EFR3B: variants seen among roughly 807,000 people sequenced by gnomAD.
EFR3B encodes the protein EFR3 homolog B.
Under a neutral mutation model 104.7 loss-of-function variants are expected in EFR3B, and 64 were observed. The observed-to-expected ratio is 0.61, with a 90% CI of 0.50 to 0.75. The LOEUF is 0.75. Ranked by LOEUF, EFR3B falls within the 30% of genes least tolerant of loss-of-function variation. The pLI, the probability that EFR3B is intolerant of heterozygous loss-of-function variation, is 0.00. For synonymous variants in EFR3B, 385 were observed against 417.9 expected, an observed-to-expected ratio of 0.92 and a Z score of 0.96; for missense variants, 750 against 1,078.5, an observed-to-expected ratio of 0.70 and a Z score of 4.27.
intron 3 of EFR3B, among the ~76,000 whole-genome samples, chr2:25,102,841 A>G (rs1176982065): frequency 6.6e-6 from 1 of 152,170 alleles, no homozygotes; most frequent in Non-Finnish European, 1.5e-5. Flanking sequence ...AACATTCCTC[A>G]TAAGGAGGAA....
Position 25,091,341 on chromosome 2 carries a change from TG to T in EFR3B, c.26del (p.Gly9ValfsTer24). On this transcript the variant is annotated frameshift_variant, in exon 2 of 23. Transcript: ENST00000403714. LOFTEE classifies it high-confidence loss of function. Reference sequence around the variant, plus strand: ...TTATTCCAGGTGTGTGTGGCTGCTGTGGTGCCCTACGCCCCAGGTACAAAAG... The same window carrying T: ...TTATTCCAGGTGTGTGTGGCTGCTGTGTGCCCTACGCCCCAGGTACAAAAG... Reference protein sequence around the residue: MYGVCGCCGALRPRYKRLV... With the variant: MYGVCGCCXALRPRYKRLV... 1.9e-6 allele frequency: 3 copies of T among 1,550,368 alleles called. No homozygotes were observed. Among genetic ancestry groups the T allele is most frequent in the Non-Finnish European group, 2.6e-6 (3 of 1,146,482 alleles).
intron 4 of EFR3B, among the ~76,000 whole-genome samples, chr2:25,104,866 T>G (rs966193352): frequency 7.9e-5 from 12 of 152,190 alleles, no homozygotes; most frequent in African/African-American, 2.9e-4. Flanking sequence ...TCAGTGCAAA[T>G]GGCTGCGGTC....
At chr2:25,078,450 A>G (rs765235721) in intron 1 of EFR3B, among the ~76,000 whole-genome samples, 3 of 152,238 alleles carry the variant, frequency 2.0e-5, no homozygotes, top group Non-Finnish European at 4.4e-5. Flanking sequence ...TTTTGAGCAA[A>G]AAGGCATTTT....
intron 6 of EFR3B, among the ~76,000 whole-genome samples, chr2:25,128,565 T>C (rs993331694): frequency 3.9e-5 from 6 of 152,122 alleles, no homozygotes; most frequent in African/African-American, 1.2e-4. Context: ...ACAGTGTTGG[T>C]GCTGGGCTCC....
rs144803814 is a variant in EFR3B at position 25,090,777 on chromosome 2, G to A, written c.8-548G>A. On this transcript the variant is annotated intron_variant, in intron 1 of 22. Transcript: ENST00000403714. Reference sequence around the variant, plus strand: ...TGGAAATGGCTCCAGGAGATAGGACGATAGAGGGAGACTGAAGAGCAGGGA... The same window carrying A: ...TGGAAATGGCTCCAGGAGATAGGACAATAGAGGGAGACTGAAGAGCAGGGA... Among the ~76,000 whole-genome samples the A allele has an allele frequency of 4.7e-3, 713 of 152,300 alleles. 9 individuals are homozygous for A. Among genetic ancestry groups the A allele is most frequent in the African/African-American group, 0.016 (675 of 41,578 alleles).
In EFR3B at chr2:25,093,080, C is replaced by T. The variant is rs1000026291; in HGVS notation, c.162C>T (p.Gly54=). Residue 54 remains glycine, a synonymous_variant, in exon 3 of 23, where the codon GGC becomes GGT. Transcript: ENST00000403714. The part of the protein sequence containing the change: ...LSAPEKLDRI[G]AYLSERLIRD... ...CTCCAGAAAAACTTGATCGTATTGGCGCCTACCTCTCTGAGAGGCTCATCC... is the reference window on the plus strand; with the variant it reads ...CTCCAGAAAAACTTGATCGTATTGGTGCCTACCTCTCTGAGAGGCTCATCC... 1.9e-5 allele frequency: 30 copies of T among 1,551,424 alleles called. No homozygotes were observed. Among genetic ancestry groups the T allele is most frequent in the South Asian group, 5.9e-5 (5 of 84,058 alleles).
Position 25,131,421 on chromosome 2 carries a change from C to G in EFR3B, c.903C>G (p.Asn301Lys). Reference sequence around the variant, plus strand: ...AGCTCCTGGGCCACCTGGACGCCAACAGCCGCAGCGCTGCGACGGTGCGCG... The same window carrying G: ...AGCTCCTGGGCCACCTGGACGCCAAGAGCCGCAGCGCTGCGACGGTGCGCG... ...IQQLLGHLDA[N>K]SRSAATVRAG... Residue 301 changes from asparagine (N) to lysine (K), a missense_variant, in exon 9 of 23, where the codon AAC (asparagine) becomes AAG (lysine). Coordinates refer to ENST00000403714, the MANE Select transcript of EFR3B (RefSeq NM_014971.2). This position sits in a 1 kb window ranked among gnomAD's most constrained non-coding sequence, Gnocchi z 7.6. 1 of 1,550,870 alleles carries G rather than the reference C, an allele frequency of 6.4e-7. No individual in the cohort carries two copies. Among genetic ancestry groups the G allele is most frequent in the Non-Finnish European group, 8.7e-7 (1 of 1,146,872 alleles).
Position 25,084,339 on chromosome 2 carries a change from C to T in EFR3B, c.8-6986C>T, listed in dbSNP as rs553343812. On this transcript the variant is annotated intron_variant, in intron 1 of 22. Transcript: ENST00000403714. Reference sequence around the variant, plus strand: ...GCAACCTCTGCCTCCCAGATTCAAGCGATTCTTGTGCCTCCGCCTCCCGAA... The same window carrying T: ...GCAACCTCTGCCTCCCAGATTCAAGTGATTCTTGTGCCTCCGCCTCCCGAA... Among the ~76,000 whole-genome samples, 212 of 152,124 alleles carry T rather than the reference C, an allele frequency of 1.4e-3. 1 individual carries two copies. Among genetic ancestry groups the T allele is most frequent in the African/African-American group, 4.8e-3 (201 of 41,480 alleles).
intron 1 of EFR3B, among the ~76,000 whole-genome samples, chr2:25,085,902 A>G (rs1480670027): frequency 6.6e-6 from 1 of 151,730 alleles, no homozygotes. Flanking sequence ...GCTTGTTAGC[A>G]TCACACAGCT....
chr2:25,062,634 C>T (rs1414097432), intron 1 of EFR3B, among the ~76,000 whole-genome samples: 1 of 152,204 alleles, frequency 6.6e-6, no homozygotes, highest in East Asian at 1.9e-4. Context: ...GTCAGGGCCG[C>T]AGGCTACTAG....
intron 19 of EFR3B, chr2:25,148,025 C>CAAAAAAAAAA (rs58788213): frequency 1.4e-5 from 1 of 71,636 alleles, no homozygotes; most frequent in Non-Finnish European, 2.6e-5. Context: ...AACTCCATCT[C>CAAAAAAAAAA]AAAAAAAAAA....
chr2:25,101,307 A>G (rs1298569568), intron 3 of EFR3B, among the ~76,000 whole-genome samples: 1 of 152,104 alleles, frequency 6.6e-6, no homozygotes, highest in East Asian at 1.9e-4. Context: ...TAATCAACAG[A>G]TGCTGATGTT....
chr2:25,120,621 C>T (rs182107198), intron 4 of EFR3B, among the ~76,000 whole-genome samples: 26 of 151,008 alleles, frequency 1.7e-4, no homozygotes, highest in African/African-American at 5.6e-4. Flanking sequence ...TCCAGCCTGG[C>T]GACAGAGCAA....
chr2:25,075,422 A>G (rs984998373), intron 1 of EFR3B, among the ~76,000 whole-genome samples: 3 of 152,040 alleles, frequency 2.0e-5, no homozygotes, highest in Non-Finnish European at 1.5e-5. Flanking sequence ...GGACATGTCT[A>G]TTTTCTTTTC....
At position 25,153,692 on chromosome 2, in the gene EFR3B, T is replaced by G; in HGVS notation, c.2299-20T>G. The G allele has an allele frequency of 6.4e-7, 1 of 1,550,832 alleles. No homozygotes were observed. The stretch of plus-strand genomic sequence containing the variant: ...GGACCCCCCACCCCTGCCAGCTCAC[T>G]TCCGTGTGTTTGTGTCTAGGCATCG... On this transcript the variant is annotated intron_variant, in intron 21 of 22. Transcript: ENST00000403714.
In EFR3B at chr2:25,154,575, G is replaced by C; in HGVS notation, c.*235G>C. 1 of 491,510 alleles carries C rather than the reference G, an allele frequency of 2.0e-6. No individual in the cohort carries two copies. Among genetic ancestry groups the C allele is most frequent in the Non-Finnish European group, 3.6e-6 (1 of 278,826 alleles). 30.4% of individuals were successfully genotyped at this position (491,510 alleles called of 1,614,324 possible). The stretch of plus-strand genomic sequence containing the variant: ...TCAGCATCTCACCTGTGCCCTCTTT[G>C]TCTTCTCTTGTGTCAGCCAGGGGCA... On this transcript the variant is annotated 3_prime_UTR_variant, in exon 23 of 23. Transcript: ENST00000403714. This position sits in a 1 kb window ranked among gnomAD's most constrained non-coding sequence, Gnocchi z 4.1.
At chr2:25,054,086 G>A (rs1010549119) in intron 1 of EFR3B, among the ~76,000 whole-genome samples, 2 of 152,180 alleles carry the variant, frequency 1.3e-5, no homozygotes, top group African/African-American at 4.8e-5. Context: ...GGGTTAGGCT[G>A]GAATTGATGG....
intron 3 of EFR3B, among the ~76,000 whole-genome samples, chr2:25,098,172 T>A (rs1374194289): frequency 2.6e-5 from 4 of 152,110 alleles, no homozygotes; most frequent in Non-Finnish European, 4.4e-5. Flanking sequence ...ACTTCTGGAC[T>A]CCTAAAACCC....
Position 25,092,425 on chromosome 2 carries a change from T to TACAC in EFR3B, c.85-563_85-560dup, listed in dbSNP as rs754189638. 1.4e-3 allele frequency among the ~76,000 whole-genome samples: 113 copies of TACAC among 78,848 alleles called. 1 individual carries two copies. Among genetic ancestry groups the TACAC allele is most frequent in the East Asian group, 0.013 (22 of 1,736 alleles). 51.7% of individuals were successfully genotyped at this position (78,848 alleles called of 152,430 possible). A position where few individuals can be genotyped will look rare whatever the true frequency, so the allele number is the denominator to read the frequency against. On this transcript the variant is annotated intron_variant, in intron 2 of 22. Coordinates refer to ENST00000403714, the MANE Select transcript of EFR3B (RefSeq NM_014971.2). ...TCCTACACACACACACACACACACT[T>TACAC]ACACACACACACACACACGGTATAT...
Sources: allele counts gnomAD v4.1 joint callset (sites outside exome capture counted in the v4.1 genomes callset), GRCh38; gene constraint gnomAD v4.1.1; non-coding constraint Gnocchi (gnomAD v3.1); transcripts MANE v1.5; gene names NCBI Gene and HGNC (gene_info 2026-07-23, HGNC 2026-07-21).